The following NDUFA12 variants were observed in gnomAD, a reference collection of about 807,000 sequenced individuals.
NDUFA12 encodes the protein NADH dehydrogenase [ubiquinone] 1 alpha subcomplex subunit 12.
NDUFA12 carries 17 observed loss-of-function variants against 20.3 expected under a neutral mutation model. That is an observed-to-expected ratio of 0.84 (90% confidence interval 0.57 to 1.26). The LOEUF is 1.26. Among genes scored for constraint, NDUFA12 ranks in the 50% most tolerant of loss-of-function variants. NDUFA12 has a pLI of 0.00. For synonymous variants in NDUFA12, 72 were observed against 63.6 expected, an observed-to-expected ratio of 1.13 and a Z score of -0.63; for missense variants, 191 against 183.7, an observed-to-expected ratio of 1.04 and a Z score of -0.23.
intron 3 of NDUFA12, among the ~76,000 whole-genome samples, chr12:94,993,485 C>T (rs921208824): frequency 1.3e-5 from 2 of 150,226 alleles, no homozygotes; most frequent in Non-Finnish European, 3.0e-5. Context: ...ATTAGCCAGG[C>T]GTGGTAGCAT....
chr12:94,998,459 C>T (rs766193829), intron 2 of NDUFA12, among the ~76,000 whole-genome samples: 8 of 152,146 alleles, frequency 5.3e-5, no homozygotes, highest in Non-Finnish European at 1.2e-4. Context: ...CTATTCAACA[C>T]AGTACTGGAA....
At chr12:95,002,351 A>G (rs12367625) in intron 2 of NDUFA12, among the ~76,000 whole-genome samples, 42,661 of 146,974 alleles carry the variant, frequency 0.29, 6,230 homozygotes, top group East Asian at 0.31. Context: ...CTGAGGCAGG[A>G]GAATCGCTGG....
At chr12:94,994,401 G>A in intron 2 of NDUFA12, 144 bp from the exon 3 acceptor site, 1 of 634,908 alleles carries the variant, frequency 1.6e-6, no homozygotes, top group Non-Finnish European at 2.7e-6. Flanking sequence ...AACACCCTGG[G>A]TGAATTCGTG....
At chr12:94,989,287 C>A (rs746143682) in intron 3 of NDUFA12, among the ~76,000 whole-genome samples, 2 of 152,090 alleles carry the variant, frequency 1.3e-5, no homozygotes, top group Non-Finnish European at 2.9e-5. Context: ...AAACAAGGAC[C>A]TTGTTTTATT....
At chr12:94,991,826 C>T (rs1407333213) in intron 3 of NDUFA12, among the ~76,000 whole-genome samples, 1 of 152,068 alleles carries the variant, frequency 6.6e-6, no homozygotes, top group East Asian at 1.9e-4. Context: ...AGAATTCTCA[C>T]CTGATGGAAC....
At chr12:94,989,859 G>A (rs1874577320) in intron 3 of NDUFA12, among the ~76,000 whole-genome samples, 1 of 152,112 alleles carries the variant, frequency 6.6e-6, no homozygotes, top group Non-Finnish European at 1.5e-5. Flanking sequence ...CTCCCAAAAT[G>A]TGGCCCCTGA....
At chr12:94,982,803 A>G (rs563007277) in intron 3 of NDUFA12, among the ~76,000 whole-genome samples, 1 of 152,224 alleles carries the variant, frequency 6.6e-6, no homozygotes, top group South Asian at 2.1e-4. Flanking sequence ...TCCAGAGGCA[A>G]TTTCCCAATC....
chr12:94,987,606 G>C (rs1281114936), intron 3 of NDUFA12, among the ~76,000 whole-genome samples: 1 of 151,956 alleles, frequency 6.6e-6, no homozygotes, highest in Non-Finnish European at 1.5e-5. Context: ...TTCAAGACCA[G>C]CCTGGCCAAC....
intron 2 of NDUFA12, 34 bp downstream of exon 2, chr12:95,002,705 T>C (rs772176991): frequency 1.4e-6 from 2 of 1,476,312 alleles, no homozygotes; most frequent in Non-Finnish European, 1.9e-6. Flanking sequence ...CCAATCCCAA[T>C]CCAATTATTC....
chr12:94,991,627 T>C (rs7397433), intron 3 of NDUFA12, among the ~76,000 whole-genome samples: 61,299 of 150,444 alleles, frequency 0.41, 13,044 homozygotes, highest in East Asian at 0.58. Context: ...CTTGAGAGGC[T>C]GAGGCGGGAG....
chr12:94,998,534 T>A (rs1874911655), intron 2 of NDUFA12, among the ~76,000 whole-genome samples: 1 of 152,120 alleles, frequency 6.6e-6, no homozygotes, highest in Non-Finnish European at 1.5e-5. Flanking sequence ...AAAGAGGAAG[T>A]CAAACTGTCG....
intron 1 of NDUFA12, 103 bp downstream of exon 1, chr12:95,003,492 A>T: frequency 1.6e-6 from 2 of 1,232,192 alleles, no homozygotes; most frequent in Non-Finnish European, 2.4e-6. Flanking sequence ...CCTTGACAAG[A>T]GCTGTGGATT....
intron 2 of NDUFA12, among the ~76,000 whole-genome samples, chr12:95,000,027 CAT>C (rs1457164631): frequency 6.6e-6 from 1 of 152,316 alleles, no homozygotes; most frequent in Admixed American, 6.5e-5. Context: ...CATGCATACA[CAT>C]GTTTATAGCA....
intron 1 of NDUFA12, 146 bp downstream of exon 1, chr12:95,003,449 T>A (rs941812072): frequency 5.9e-6 from 5 of 851,788 alleles, no homozygotes; most frequent in Admixed American, 5.8e-5. Context: ...GAGACCAGCC[T>A]GGGGGTGGCA....
chr12:95,003,675 C>T lies in NDUFA12; in HGVS notation c.6G>A (p.Glu2=). ...GCCCGCGTTTCAGGACCTGCACTAA[C>T]TCCATCTTGCCTCGCTGGCCCCGCC... M[E]LVQVLKRGLQ... The change falls in exon 1 of 4, where the codon GAG becomes GAA. Residue 2 remains glutamate, a synonymous_variant. Coordinates refer to ENST00000327772, the MANE Select transcript of NDUFA12 (RefSeq NM_018838.5). The T allele has an allele frequency of 6.2e-7, 1 of 1,614,204 alleles. No homozygotes were observed. Among genetic ancestry groups the T allele is most frequent in the Non-Finnish European group, 8.5e-7 (1 of 1,180,048 alleles).
intron 3 of NDUFA12, among the ~76,000 whole-genome samples, 190 bp downstream of exon 3, chr12:94,993,980 C>G (rs10859819): frequency 6.6e-6 from 1 of 151,688 alleles, no homozygotes; most frequent in South Asian, 2.1e-4. Context: ...AAAAATTATC[C>G]GGGTGAGATG....
chr12:95,003,619 C>T lies in NDUFA12; in HGVS notation c.62G>A (p.Arg21Gln), dbSNP rs1875147665. Reference protein sequence around the residue: ...LQQITGHGGLRGYLRVFFRTN... With the variant: ...LQQITGHGGLQGYLRVFFRTN... Reference sequence around the variant, plus strand: ...CCTGAAAAAAACCCGTAGATAGCCTCGGAGACCGCCGTGGCCGGTGATCTG... The same window carrying T: ...CCTGAAAAAAACCCGTAGATAGCCTTGGAGACCGCCGTGGCCGGTGATCTG... Residue 21 changes from arginine to glutamine, a missense_variant, in exon 1 of 4, where the codon CGA becomes CAA. Transcript: ENST00000327772. The T allele has an allele frequency of 6.2e-7, 1 of 1,614,184 alleles. No individual in the cohort carries two copies. Among genetic ancestry groups the T allele is most frequent in the Non-Finnish European group, 8.5e-7 (1 of 1,180,030 alleles).
chr12:94,997,919 C>T lies in NDUFA12; in HGVS notation c.170-3662G>A, dbSNP rs1874890551. 5.9e-5 allele frequency among the ~76,000 whole-genome samples: 9 copies of T among 152,270 alleles called. No individual in the cohort carries two copies. In the South Asian group the frequency reaches 1.9e-3, roughly 32 times the overall value. On this transcript the variant is annotated intron_variant, in intron 2 of 3. Coordinates refer to ENST00000327772, the MANE Select transcript of NDUFA12 (RefSeq NM_018838.5). ...GATGGAAATTTTGCCCCCAAGGGGA[C>T]ATTTGGCAATGTCTGGAGACATTTT...
chr12:94,993,624 CAAAAAAAAAAAAAAA>C (rs61481976), intron 3 of NDUFA12, among the ~76,000 whole-genome samples: 1 of 11,350 alleles, frequency 8.8e-5, no homozygotes, highest in African/African-American at 3.6e-4. Flanking sequence ...GACTCTGTCT[CAAAAAAAAAAAAAAA>C]AAAAAAAAAA....
Sources: gnomAD v4.1 joint callset for allele counts (sites outside exome capture counted in the v4.1 genomes callset) on GRCh38, gnomAD v4.1.1 for gene constraint, MANE v1.5 for transcripts, NCBI Gene and HGNC (gene_info 2026-07-23, HGNC 2026-07-21) for gene names.